HEATR5B: variants seen among roughly 807,000 people sequenced by gnomAD.
The protein encoded by HEATR5B is HEAT repeat containing 5B, also known as HEAT repeat-containing protein 5B.
HEATR5B carries 156 observed loss-of-function variants against 224.1 expected under a neutral mutation model. The ratio of observed to expected loss-of-function variants is 0.70; its 90% confidence interval spans 0.61 to 0.80. The LOEUF (loss-of-function observed/expected upper bound fraction) is 0.80, where lower values mean the gene tolerates loss of function less well. Ranked by LOEUF, HEATR5B falls within the 30% of genes least tolerant of loss-of-function variation. The pLI is 0.00. For synonymous variants in HEATR5B, 1,027 were observed against 893.0 expected (o/e 1.15, Z -2.68); for missense variants, 2,323 against 2,535.5 (o/e 0.92, Z 1.80).
intron 33 of HEATR5B, among the ~76,000 whole-genome samples, chr2:36,999,065 T>C (rs1468241172): frequency 6.6e-6 from 1 of 151,244 alleles, no homozygotes; most frequent in African/African-American, 2.4e-5. Flanking sequence ...ATACAAAAAT[T>C]AGCTGGGCGT....
chr2:37,065,614 C>A (rs1290210487), intron 9 of HEATR5B, 141 bp downstream of exon 9: 3 of 767,068 alleles, frequency 3.9e-6, no homozygotes, highest in Non-Finnish European at 6.1e-6. Flanking sequence ...CAGCCTATCA[C>A]AATGAATATT....
chr2:37,034,747 A>G (rs527810645), intron 21 of HEATR5B, among the ~76,000 whole-genome samples: 3 of 151,858 alleles, frequency 2.0e-5, no homozygotes, highest in South Asian at 2.1e-4. Flanking sequence ...TTGTAGAGAC[A>G]AGGTCTCATT....
intron 33 of HEATR5B, among the ~76,000 whole-genome samples, chr2:36,993,484 G>A (rs576120539): frequency 1.3e-5 from 2 of 151,612 alleles, no homozygotes; most frequent in African/African-American, 2.4e-5. Flanking sequence ...TGGAGGTTGC[G>A]GTGAGCCAAA....
intron 27 of HEATR5B, among the ~76,000 whole-genome samples, chr2:37,011,935 T>G (rs1667813650): frequency 6.6e-6 from 1 of 152,214 alleles, no homozygotes; most frequent in Non-Finnish European, 1.5e-5. Flanking sequence ...TTTATGACTC[T>G]GAATAGACAC....
intron 22 of HEATR5B, among the ~76,000 whole-genome samples, chr2:37,032,224 T>C (rs1045604801): frequency 2.6e-5 from 4 of 152,178 alleles, no homozygotes; most frequent in Non-Finnish European, 4.4e-5. Flanking sequence ...TAATTTTTTT[T>C]AAATCTAGTC....
rs148349436 is a variant in HEATR5B, at chr2:37,004,626, C to G, written c.4906-940G>C. 1.6e-3 allele frequency among the ~76,000 whole-genome samples: 248 copies of G among 152,056 alleles called. 2 individuals carry two copies. Among genetic ancestry groups the G allele is most frequent in the South Asian group, 5.2e-3 (25 of 4,802 alleles). ...ATCCTCTGCGGGAGGTCACCAATAG[C>G]CTCCTCTAGACTCATTTCTGTGCTT... On this transcript the variant is annotated intron_variant, in intron 30 of 35. Coordinates refer to ENST00000233099, the MANE Select transcript of HEATR5B (RefSeq NM_019024.3).
intron 32 of HEATR5B, among the ~76,000 whole-genome samples, chr2:37,001,685 TGA>T (rs1452390024): frequency 1.3e-5 from 2 of 151,706 alleles, no homozygotes; most frequent in African/African-American, 2.4e-5. Flanking sequence ...TTTTTTTTTT[TGA>T]GAGTCTTGCT....
Position 37,056,470 on chromosome 2 carries a change from A to G in HEATR5B, c.2369T>C (p.Val790Ala). 1 of 1,610,702 alleles carries G rather than the reference A, an allele frequency of 6.2e-7. No individual in the cohort carries two copies. The highest frequency in any genetic ancestry group is 8.5e-7 in the Non-Finnish European group (1 of 1,178,824). Residue 790 changes from valine (V) to alanine (A), a missense_variant, in exon 16 of 36, where the codon GTA becomes GCA. Around this residue, in one of 12 missense-constraint regions of HEATR5B, gnomAD observed 170 missense variants for 216.7 expected, o/e 0.78. Coordinates refer to ENST00000233099, the MANE Select transcript of HEATR5B (RefSeq NM_019024.3). Reference sequence around the variant, plus strand: ...TTTATAAGAAACATGAGGAAACACTACACCAAAAAGGGCCACAGAAGCATC... The same window carrying G: ...TTTATAAGAAACATGAGGAAACACTGCACCAAAAAGGGCCACAGAAGCATC... ...VIDASVALFG[V>A]VFPHVSYKHR...
At chr2:37,023,726 C>G (rs373933386) in intron 24 of HEATR5B, among the ~76,000 whole-genome samples, 1 of 151,864 alleles carries the variant, frequency 6.6e-6, no homozygotes, top group African/African-American at 2.4e-5. Context: ...TGCAGTGAGC[C>G]GAGATCACAG....
intron 33 of HEATR5B, among the ~76,000 whole-genome samples, chr2:36,993,340 C>T (rs1023535719): frequency 6.6e-6 from 1 of 151,970 alleles, no homozygotes. Context: ...ATTTCGAAGC[C>T]AGCCTGGCCA....
In HEATR5B at chr2:36,996,042, C is replaced by T. The variant is rs142037809; in HGVS notation, c.5545+4544G>A. Among the ~76,000 whole-genome samples, 681 of 150,852 alleles carry T rather than the reference C, an allele frequency of 4.5e-3. 6 individuals are homozygous for T. The highest frequency in any genetic ancestry group is 0.014 in the Middle Eastern group (4 of 288). ...CTGGGACCACAGGCACACGTCACTG[C>T]GCTCAACTAAATAATGCAATTCTTT... is the stretch of plus-strand genomic sequence containing the variant. On this transcript the variant is annotated intron_variant, in intron 33 of 35. Coordinates refer to ENST00000233099, the MANE Select transcript of HEATR5B (RefSeq NM_019024.3).
intron 6 of HEATR5B, among the ~76,000 whole-genome samples, chr2:37,071,302 G>A (rs1251986810): frequency 6.6e-6 from 1 of 152,174 alleles, no homozygotes; most frequent in African/African-American, 2.4e-5. Flanking sequence ...GTGGGGTAGA[G>A]GTAGGGACAA....
intron 5 of HEATR5B, among the ~76,000 whole-genome samples, chr2:37,075,153 A>G (rs1672149633): frequency 1.3e-5 from 2 of 152,252 alleles, no homozygotes; most frequent in Admixed American, 6.5e-5. Context: ...TCAAAACTAG[A>G]AGCAACTCAA....
chr2:37,066,803 T>C (rs1671617173), intron 8 of HEATR5B, among the ~76,000 whole-genome samples: 1 of 152,228 alleles, frequency 6.6e-6, no homozygotes, highest in African/African-American at 2.4e-5. Flanking sequence ...GCATTCATTA[T>C]TAATTAATAG....
intron 14 of HEATR5B, among the ~76,000 whole-genome samples, chr2:37,057,805 T>C (rs563227860): frequency 4.2e-4 from 64 of 152,158 alleles, no homozygotes; most frequent in African/African-American, 1.5e-3. Context: ...GCCCAAGAGA[T>C]TGAGACAAAC....
intron 18 of HEATR5B, among the ~76,000 whole-genome samples, chr2:37,042,700 T>C (rs1669948085): frequency 6.6e-6 from 1 of 152,076 alleles, no homozygotes; most frequent in African/African-American, 2.4e-5. Flanking sequence ...ATGACCAGCC[T>C]GGCCAAAATG....
intron 18 of HEATR5B, among the ~76,000 whole-genome samples, chr2:37,045,694 T>A (rs543299878): frequency 6.6e-6 from 1 of 152,340 alleles, no homozygotes; most frequent in African/African-American, 2.4e-5. Flanking sequence ...CTCTCCTCTC[T>A]GTTATTCCAC....
rs767267611 is a variant in HEATR5B, at chr2:37,013,998, C to T, written c.4127G>A (p.Ser1376Asn). 1.6e-5 allele frequency: 26 copies of T among 1,602,462 alleles called. No individual in the cohort carries two copies. Among genetic ancestry groups the T allele is most frequent in the Admixed American group, 1.5e-4 (9 of 58,556 alleles). ...ATCATTGAGATCACTGACAACTCCA[C>T]TTCCTATCCATGTACTACATACCTA... ...ACQVCSTWIGSGVVSDLNDLR... is the reference protein window; with the variant it reads ...ACQVCSTWIGNGVVSDLNDLR... The change falls in exon 27 of 36, where the codon AGT becomes AAT. Residue 1376 changes from serine (S) to asparagine (N), a missense_variant. Physicochemically the swap from Ser to Asn is conservative, Grantham distance 46. This residue lies in a region of HEATR5B where 339 missense variants were observed against 378.4 expected (regional missense o/e 0.90). Coordinates refer to ENST00000233099, the MANE Select transcript of HEATR5B (RefSeq NM_019024.3).
chr2:37,007,144 A>C lies in HEATR5B; in HGVS notation c.4683T>G (p.Arg1561=). The C allele has an allele frequency of 1.2e-6, 2 of 1,614,110 alleles. No homozygotes were observed. The highest frequency in any genetic ancestry group is 1.7e-6 in the Non-Finnish European group (2 of 1,180,012). ...EAAAISGLQK[R]STSVNLNQAS... ...CCTGGTTTAAATTGACAGATGTAGA[A>C]CGTTTTTGTAAACCAGATATTGCTG... The change falls in exon 29 of 36, where the codon CGT becomes CGG. Residue 1561 remains arginine, a synonymous_variant. Transcript: ENST00000233099.
Sources: allele counts gnomAD v4.1 joint callset (sites outside exome capture counted in the v4.1 genomes callset), GRCh38; gene constraint gnomAD v4.1.1; regional missense constraint gnomAD v4.1.1; transcripts MANE v1.5; gene names NCBI Gene and HGNC (gene_info 2026-07-23, HGNC 2026-07-21).